ZC3H3: variants seen among roughly 807,000 people sequenced by gnomAD.
ZC3H3 encodes the protein zinc finger CCCH-type containing 3.
ZC3H3 carries 36 observed loss-of-function variants against 77.3 expected under a neutral mutation model. The observed-to-expected ratio is 0.47, with a 90% CI of 0.36 to 0.61. The LOEUF (loss-of-function observed/expected upper bound fraction) is 0.61, where lower values mean the gene tolerates loss of function less well. Among genes scored for constraint, ZC3H3 ranks in the 20% least tolerant of loss-of-function variants. ZC3H3 has a pLI of 0.00. For missense variants in ZC3H3, 1,331 were observed against 1,312.2 expected (o/e 1.01, Z -0.22); for synonymous variants, 626 against 555.2 (o/e 1.13, Z -1.79).
chr8:143,516,724 G>C (rs1195452079), intron 3 of ZC3H3, among the ~76,000 whole-genome samples: 1 of 152,166 alleles, frequency 6.6e-6, no homozygotes, highest in Non-Finnish European at 1.5e-5. Flanking sequence ...CCCCAGGTGG[G>C]TGCAGCACGT....
intron 5 of ZC3H3, among the ~76,000 whole-genome samples, chr8:143,473,331 G>C (rs1820632037): frequency 6.6e-6 from 1 of 152,128 alleles, no homozygotes; most frequent in African/African-American, 2.4e-5. Context: ...GGCCCTCTCA[G>C]TTTTCAGCTC....
intron 3 of ZC3H3, among the ~76,000 whole-genome samples, chr8:143,518,145 G>T (rs1291420876): frequency 1.3e-5 from 2 of 152,220 alleles, no homozygotes; most frequent in African/African-American, 4.8e-5. Flanking sequence ...CAGCTCCAGG[G>T]CCAGGATGGC....
chr8:143,541,346 G>A (rs1037345949), intron 1 of ZC3H3, 30 bp downstream of exon 1: 1 of 1,605,822 alleles, frequency 6.2e-7, no homozygotes, highest in African/African-American at 1.4e-5. Flanking sequence ...GAAAGAAGGG[G>A]ACTCGCGTCC....
Position 143,437,986 on chromosome 8 carries a change from T to G in ZC3H3, c.*70A>C. The G allele has an allele frequency of 3.2e-6, 5 of 1,563,634 alleles. No homozygotes were observed. The highest frequency in any genetic ancestry group is 4.3e-6 in the Non-Finnish European group (5 of 1,153,202). On this transcript the variant is annotated 3_prime_UTR_variant, in exon 12 of 12. Transcript: ENST00000262577. ...CGGGCGGCCCTCCTGTGGGGTAGAG[T>G]GGTGGACAGAGCCTCTTTCCTCTCC...
At chr8:143,507,702 G>A (rs777307282) in intron 4 of ZC3H3, 44 bp downstream of exon 4, 1 of 1,502,106 alleles carries the variant, frequency 6.7e-7, no homozygotes, top group Non-Finnish European at 8.9e-7. Flanking sequence ...GGGCCAGACA[G>A]CCCAGTTCCC....
chr8:143,499,680 A>T (rs1821465072), intron 4 of ZC3H3, among the ~76,000 whole-genome samples: 1 of 152,082 alleles, frequency 6.6e-6, no homozygotes, highest in African/African-American at 2.4e-5. Flanking sequence ...TGAGCTGCTC[A>T]CAGTAGAGCC....
At chr8:143,465,245 G>A (rs1179670525) in intron 9 of ZC3H3, among the ~76,000 whole-genome samples, 1 of 152,120 alleles carries the variant, frequency 6.6e-6, no homozygotes. Flanking sequence ...CGGCCCCCTT[G>A]GCTCTGCCTG....
intron 4 of ZC3H3, among the ~76,000 whole-genome samples, chr8:143,486,421 T>C (rs899503003): frequency 3.8e-4 from 58 of 152,302 alleles, no homozygotes; most frequent in African/African-American, 1.2e-3. Context: ...TCCCGTGGCT[T>C]TTCCTCTGGG....
intron 3 of ZC3H3, among the ~76,000 whole-genome samples, chr8:143,510,471 G>C (rs1047621132): frequency 6.6e-6 from 1 of 152,250 alleles, no homozygotes; most frequent in African/African-American, 2.4e-5. Flanking sequence ...CGGACAGATG[G>C]GTAGTAGCAG....
chr8:143,489,999 C>T (rs1223272413), intron 4 of ZC3H3, among the ~76,000 whole-genome samples: 1 of 152,198 alleles, frequency 6.6e-6, no homozygotes, highest in East Asian at 1.9e-4. Flanking sequence ...GAACTGCAGC[C>T]CACACCCACA....
Position 143,538,782 on chromosome 8 carries a change from C to T in ZC3H3, c.585G>A (p.Glu195=). 2 of 1,612,280 alleles carry T rather than the reference C, an allele frequency of 1.2e-6. No individual in the cohort carries two copies. The highest frequency in any genetic ancestry group is 1.6e-4 in the Middle Eastern group (1 of 6,062). Residue 195 remains glutamate, a synonymous_variant, in exon 2 of 12, where the codon GAG becomes GAA. Coordinates refer to ENST00000262577, the MANE Select transcript of ZC3H3 (RefSeq NM_015117.3). ...ACTTCACCATCCTGGGCTTACCAGG[C>T]TCCTTCTGGCAGACCAGAAGAGGAT... ...VEDPLLVCQK[E]PGKPRMVKSV...
intron 1 of ZC3H3, among the ~76,000 whole-genome samples, chr8:143,540,316 C>T (rs1465773945): frequency 9.0e-6 from 1 of 111,406 alleles, no homozygotes; most frequent in African/African-American, 3.2e-5. Context: ...TCACTGCAGC[C>T]GGGACCTCCA....
chr8:143,515,520 G>A (rs888299248), intron 3 of ZC3H3, among the ~76,000 whole-genome samples: 5 of 152,258 alleles, frequency 3.3e-5, no homozygotes, highest in Non-Finnish European at 5.9e-5. Context: ...CCCCACGAAC[G>A]GGCCTCCCAG....
At chr8:143,451,782 TAAAA>T (rs547990960) in intron 9 of ZC3H3, among the ~76,000 whole-genome samples, 1 of 112,508 alleles carries the variant, frequency 8.9e-6, no homozygotes. Flanking sequence ...AGACTCTGCC[TAAAA>T]AAAAAAAAAA....
Position 143,507,917 on chromosome 8 carries a change from G to A in ZC3H3, c.1562-18C>T. 1 of 1,568,034 alleles carries A rather than the reference G, an allele frequency of 6.4e-7. No homozygotes were observed. The highest frequency in any genetic ancestry group is 8.7e-7 in the Non-Finnish European group (1 of 1,150,956). On this transcript the variant is annotated intron_variant, in intron 3 of 11. Coordinates refer to ENST00000262577, the MANE Select transcript of ZC3H3 (RefSeq NM_015117.3). ...GCTGGACGCTGTAGAGAAAACCCAG[G>A]GCACAGACATGGGTCAGGGAAGGCC...
rs201651881 is a variant in ZC3H3 at position 143,538,036 on chromosome 8, C to T, written c.1331G>A (p.Arg444His). 1.5e-5 allele frequency: 24 copies of T among 1,610,618 alleles called. No individual in the cohort carries two copies. The highest frequency in any genetic ancestry group is 3.3e-5 in the South Asian group (3 of 90,754). Residue 444 changes from arginine (R) to histidine (H), a missense_variant, in exon 2 of 12, where the codon CGC (arginine) becomes CAC (histidine). Coordinates refer to ENST00000262577, the MANE Select transcript of ZC3H3 (RefSeq NM_015117.3). ...GCTGCGTCTCCGGATGATCTTGGTG[C>T]GGCTCTTCACTTTGTAAGCCGAGAG... ...TPLSAYKVKS[R>H]TKIIRRRSST...
intron 3 of ZC3H3, among the ~76,000 whole-genome samples, chr8:143,523,762 A>G (rs892723033): frequency 5.3e-5 from 8 of 152,144 alleles, no homozygotes; most frequent in Non-Finnish European, 1.0e-4. Context: ...AATCAGCAAG[A>G]GAAGAGCTGC....
Position 143,440,111 on chromosome 8 carries a change from C to T in ZC3H3, c.2745G>A (p.Leu915=). 6.2e-7 allele frequency: 1 copy of T among 1,609,720 alleles called. No homozygotes were observed. Among genetic ancestry groups the T allele is most frequent in the East Asian group, 2.2e-5 (1 of 44,784 alleles). ...RLCKLPSFIS[L]QSSPSPGAQP... ...GGGCTCCTGGGCTCGGCGAGGACTG[C>T]AGGGAGATGAAGGAAGGCAGCTTGC... Residue 915 remains leucine (L), a synonymous_variant, in exon 11 of 12, where the codon CTG becomes CTA. Transcript: ENST00000262577.
chr8:143,452,871 A>T (rs1820023805), intron 9 of ZC3H3, among the ~76,000 whole-genome samples: 1 of 152,218 alleles, frequency 6.6e-6, no homozygotes, highest in South Asian at 2.1e-4. Flanking sequence ...AGATGCAGAA[A>T]CAGAGCAAAA....
Sources: allele counts gnomAD v4.1 joint callset (sites outside exome capture counted in the v4.1 genomes callset), GRCh38; gene constraint gnomAD v4.1.1; transcripts MANE v1.5; gene names NCBI Gene and HGNC (gene_info 2026-07-23, HGNC 2026-07-21).